WWOX: variants seen among roughly 807,000 people sequenced by gnomAD.
The protein encoded by WWOX is WW domain containing oxidoreductase.
A neutral mutation model predicts 46.2 loss-of-function variants in WWOX; 69 were observed. That is an observed-to-expected ratio of 1.49 (90% CI 1.23 to 1.82). The LOEUF is 1.82. Among genes scored for constraint, WWOX ranks in the 40% most tolerant of loss-of-function variants. The pLI is 0.00. For synonymous variants in WWOX, 359 were observed against 202.6 expected, an observed-to-expected ratio of 1.77 and a Z score of -6.56; for missense variants, 919 against 542.6, an observed-to-expected ratio of 1.69 and a Z score of -6.89.
intron 8 of WWOX, among the ~76,000 whole-genome samples, chr16:78,575,421 C>A (rs556345421): frequency 3.3e-5 from 5 of 151,854 alleles, no homozygotes; most frequent in African/African-American, 7.3e-5. Flanking sequence ...GTTAATCTTA[C>A]ACCTACCCAT....
chr16:79,032,486 C>T (rs2047782837), intron 8 of WWOX, among the ~76,000 whole-genome samples: 1 of 146,804 alleles, frequency 6.8e-6, no homozygotes, highest in African/African-American at 2.5e-5. Flanking sequence ...ATATAATATA[C>T]ATAATAGACT....
At chr16:78,547,883 G>A (rs1471245561) in intron 8 of WWOX, among the ~76,000 whole-genome samples, 1 of 152,032 alleles carries the variant, frequency 6.6e-6, no homozygotes, top group Admixed American at 6.6e-5. Context: ...TGGGCGTGGT[G>A]GCTCACACCT....
chr16:78,193,993 T>G (rs1236695637), intron 5 of WWOX, among the ~76,000 whole-genome samples: 1 of 151,674 alleles, frequency 6.6e-6, no homozygotes, highest in Non-Finnish European at 1.5e-5. Flanking sequence ...TTCTCTTGCC[T>G]CAGCCTCCCA....
At chr16:78,703,234 C>G (rs966554881) in intron 8 of WWOX, among the ~76,000 whole-genome samples, 7 of 152,132 alleles carry the variant, frequency 4.6e-5, no homozygotes, top group Admixed American at 3.3e-4. Flanking sequence ...TGTGTCATAA[C>G]TACCCACATT....
At chr16:79,206,392 A>G (rs926736923) in intron 8 of WWOX, 1 of 152,220 alleles carries the variant, frequency 6.6e-6, no homozygotes, top group Admixed American at 6.5e-5. Flanking sequence ...CACTCTACGT[A>G]ATTATCTGTA....
chr16:78,497,664 G>A (rs1418059007), intron 8 of WWOX, among the ~76,000 whole-genome samples: 3 of 152,152 alleles, frequency 2.0e-5, no homozygotes, highest in Non-Finnish European at 4.4e-5. Context: ...ATTGTGTGTT[G>A]AATAAATACT....
At chr16:78,276,467 G>A (rs534142039) in intron 5 of WWOX, among the ~76,000 whole-genome samples, 1 of 152,312 alleles carries the variant, frequency 6.6e-6, no homozygotes, top group South Asian at 2.1e-4. Context: ...GCACAAAGCA[G>A]AGTTTTTCCA....
At chr16:79,174,411 G>A (rs1167729681) in intron 8 of WWOX, among the ~76,000 whole-genome samples, 2 of 152,206 alleles carry the variant, frequency 1.3e-5, no homozygotes, top group Non-Finnish European at 2.9e-5. Context: ...CTCTTTGGGA[G>A]GCTGAGGCAG....
At chr16:78,975,711 G>T (rs1232752891) in intron 8 of WWOX, among the ~76,000 whole-genome samples, 1 of 152,124 alleles carries the variant, frequency 6.6e-6, no homozygotes, top group Non-Finnish European at 1.5e-5. Flanking sequence ...TCAGAGAAGG[G>T]TTTTGTCCAT....
intron 8 of WWOX, among the ~76,000 whole-genome samples, chr16:78,704,518 G>A (rs1208318550): frequency 6.6e-6 from 1 of 152,132 alleles, no homozygotes; most frequent in African/African-American, 2.4e-5. Flanking sequence ...GCAACAACGA[G>A]ACTTAGTATC....
chr16:79,138,942 C>T (rs368488919), intron 8 of WWOX, among the ~76,000 whole-genome samples: 21 of 152,080 alleles, frequency 1.4e-4, no homozygotes, highest in Non-Finnish European at 2.2e-4. Flanking sequence ...GGCTTACAGG[C>T]AATCCATTCA....
At chr16:78,902,363 A>T (rs1025948329) in intron 8 of WWOX, among the ~76,000 whole-genome samples, 3 of 152,220 alleles carry the variant, frequency 2.0e-5, no homozygotes, top group Admixed American at 6.5e-5. Flanking sequence ...GTAAAGAGTC[A>T]CCGCTGATTA....
chr16:78,395,125 T>C (rs560469632), intron 6 of WWOX, among the ~76,000 whole-genome samples: 1 of 152,316 alleles, frequency 6.6e-6, no homozygotes, highest in East Asian at 1.9e-4. Flanking sequence ...TTTCTGAGAA[T>C]ATATAGAGTT....
rs566973851 is a variant in WWOX at position 78,761,902 on chromosome 16, C to A, written c.1056+329150C>A. ...AACTTAGTTCATTAGTGCTTTATCT[C>A]CTTGTGTGTGTGAGTGTGTGAGGGG... is the stretch of plus-strand genomic sequence containing the variant. On this transcript the variant is annotated intron_variant, in intron 8 of 8. Transcript: ENST00000566780. Among the ~76,000 whole-genome samples, 7 of 152,210 alleles carry A rather than the reference C, an allele frequency of 4.6e-5. No homozygotes were observed. The East Asian group carries it at 1.4e-3, about 29-fold the overall frequency.
At position 79,133,946 on chromosome 16, in the gene WWOX, G is replaced by A. The variant is rs143061286; in HGVS notation, c.1057-77662G>A. ...TTAATATAATACTCAGTGAATTCAG[G>A]CAAGTCCTCAAGAAGAAAAATTTAA... On this transcript the variant is annotated intron_variant, in intron 8 of 8. Transcript: ENST00000566780. 6.4e-3 allele frequency among the ~76,000 whole-genome samples: 978 copies of A among 152,220 alleles called. 7 individuals are homozygous for A. The highest frequency in any genetic ancestry group is 0.023 in the African/African-American group (940 of 41,538).
At chr16:78,911,831 A>C (rs920599600) in intron 8 of WWOX, among the ~76,000 whole-genome samples, 6 of 152,100 alleles carry the variant, frequency 3.9e-5, no homozygotes, top group Admixed American at 3.3e-4. Flanking sequence ...ACGCTGATGC[A>C]TTCCAGCCTG....
At chr16:79,168,407 C>T (rs1227389498) in intron 8 of WWOX, among the ~76,000 whole-genome samples, 1 of 152,196 alleles carries the variant, frequency 6.6e-6, no homozygotes, top group African/African-American at 2.4e-5. Flanking sequence ...AAGTTCATTT[C>T]TGCAGAAAGA....
At chr16:78,764,632 C>G (rs1434129547) in intron 8 of WWOX, among the ~76,000 whole-genome samples, 1 of 146,964 alleles carries the variant, frequency 6.8e-6, no homozygotes, top group African/African-American at 2.5e-5. Flanking sequence ...GGTTTGATTC[C>G]TGGCTTTCCA....
At chr16:78,844,446 G>C (rs907299132) in intron 8 of WWOX, among the ~76,000 whole-genome samples, 1 of 152,206 alleles carries the variant, frequency 6.6e-6, no homozygotes, top group Non-Finnish European at 1.5e-5. Context: ...TCTCACTGAA[G>C]ATAATAGGGA....
Sources: gnomAD v4.1 joint callset for allele counts (sites outside exome capture counted in the v4.1 genomes callset) on GRCh38, gnomAD v4.1.1 for gene constraint, MANE v1.5 for transcripts, NCBI Gene and HGNC (gene_info 2026-07-23, HGNC 2026-07-21) for gene names.